The following UMAD1 variants were observed in gnomAD, a reference collection of about 807,000 sequenced individuals.
The protein encoded by UMAD1 is UBAP1-MVB12-associated (UMA)-domain containing protein 1.
A neutral mutation model predicts 6.1 loss-of-function variants in UMAD1; 8 were observed. The observed-to-expected ratio is 1.30, with a 90% CI of 0.76 to 2.35. The LOEUF is 2.35. Among genes scored for constraint, UMAD1 ranks in the 30% most tolerant of loss-of-function variants. The pLI, the probability that UMAD1 is intolerant of heterozygous loss-of-function variation, is 0.00. For synonymous variants in UMAD1, 56 were observed against 31.4 expected (o/e 1.78, Z -2.61); for missense variants, 130 against 78.4 (o/e 1.66, Z -2.49).
At chr7:7,809,507 T>C (rs1782983754) in intron 3 of UMAD1, among the ~76,000 whole-genome samples, 4 of 152,102 alleles carry the variant, frequency 2.6e-5, no homozygotes. Flanking sequence ...TAAATCAGGC[T>C]AATTAACAAA....
chr7:7,695,159 A>T (rs986189922), intron 2 of UMAD1, among the ~76,000 whole-genome samples: 2 of 152,174 alleles, frequency 1.3e-5, no homozygotes, highest in Non-Finnish European at 2.9e-5. Context: ...ACCTTTTCAT[A>T]TACCTGTTTG....
intron 2 of UMAD1, among the ~76,000 whole-genome samples, chr7:7,762,425 C>T (rs1781909267): frequency 6.6e-6 from 1 of 152,144 alleles, no homozygotes; most frequent in Non-Finnish European, 1.5e-5. Flanking sequence ...TACCACTAAC[C>T]CCACCCCATG....
intron 3 of UMAD1, among the ~76,000 whole-genome samples, chr7:7,827,143 A>ATGTGTGTGTG (rs1360833680): frequency 1.2e-4 from 16 of 135,140 alleles, no homozygotes; most frequent in African/African-American, 2.9e-4. Flanking sequence ...ATATATATAT[A>ATGTGTGTGTG]TATATGTGTG....
chr7:7,774,977 A>G (rs115359437), intron 2 of UMAD1, among the ~76,000 whole-genome samples: 2,302 of 152,162 alleles, frequency 0.015, 56 homozygotes, highest in African/African-American at 0.052. Flanking sequence ...TTCTTCATCA[A>G]TTATTTCATG....
intron 2 of UMAD1, among the ~76,000 whole-genome samples, chr7:7,754,465 T>A (rs1781737509): frequency 1.3e-5 from 2 of 152,202 alleles, no homozygotes; most frequent in South Asian, 4.1e-4. Flanking sequence ...TAGTTTTATT[T>A]CCTACAGAGT....
intron 3 of UMAD1, among the ~76,000 whole-genome samples, chr7:7,805,217 C>T (rs1308685543): frequency 1.3e-5 from 2 of 152,172 alleles, no homozygotes; most frequent in African/African-American, 4.8e-5. Context: ...AATTTCTACA[C>T]AGTTCAGCCT....
At chr7:7,796,067 C>A (rs1210408108) in intron 2 of UMAD1, among the ~76,000 whole-genome samples, 1 of 151,910 alleles carries the variant, frequency 6.6e-6, no homozygotes, top group African/African-American at 2.4e-5. Flanking sequence ...CCAAATGCAA[C>A]AACCAGTGGA....
intron 1 of UMAD1, among the ~76,000 whole-genome samples, chr7:7,659,623 G>C (rs191212449): frequency 3.9e-5 from 6 of 152,192 alleles, no homozygotes; most frequent in Middle Eastern, 3.2e-3. Flanking sequence ...TTTTGAGTGA[G>C]TTTCTTAATC....
intron 2 of UMAD1, among the ~76,000 whole-genome samples, chr7:7,683,733 C>T (rs1779969853): frequency 6.6e-6 from 1 of 152,010 alleles, no homozygotes; most frequent in Non-Finnish European, 1.5e-5. Context: ...AGTGATTCTC[C>T]TGCCTCAGCC....
At position 7,830,161 on chromosome 7, in the gene UMAD1, G is replaced by A. The variant is rs1172598976; in HGVS notation, c.156+28418G>A. Among the ~76,000 whole-genome samples, 1 of 152,216 alleles carries A rather than the reference G, an allele frequency of 6.6e-6. No homozygotes were observed. Among genetic ancestry groups the A allele is most frequent in the Non-Finnish European group, 1.5e-5 (1 of 68,046 alleles). Reference sequence around the variant, plus strand: ...TTAAGAGGCATTTGCCAGTGGACCTGCAGGTCTGGCCAAGCCCCTGCTAGG... The same window carrying A: ...TTAAGAGGCATTTGCCAGTGGACCTACAGGTCTGGCCAAGCCCCTGCTAGG... On this transcript the variant is annotated intron_variant, in intron 3 of 3. Transcript: ENST00000682710. This position sits in a 1 kb window ranked among gnomAD's most constrained non-coding sequence, Gnocchi z 5.3.
At chr7:7,838,667 G>A (rs527418332) in intron 3 of UMAD1, among the ~76,000 whole-genome samples, 16 of 152,224 alleles carry the variant, frequency 1.1e-4, no homozygotes, top group South Asian at 1.0e-3. Context: ...GCTATTCATG[G>A]TAGAAGAAGC....
intron 2 of UMAD1, among the ~76,000 whole-genome samples, chr7:7,728,047 G>C (rs1201138579): frequency 2.6e-5 from 4 of 151,822 alleles, no homozygotes; most frequent in African/African-American, 9.7e-5. Context: ...ATTTTCTTCT[G>C]TTGGCCCTAT....
At chr7:7,807,255 A>G (rs1264575886) in intron 3 of UMAD1, among the ~76,000 whole-genome samples, 1 of 152,150 alleles carries the variant, frequency 6.6e-6, no homozygotes, top group Non-Finnish European at 1.5e-5. Flanking sequence ...CATGCATTAG[A>G]TGAGCTTTAA....
At position 7,815,516 on chromosome 7, in the gene UMAD1, G is replaced by C. The variant is rs148610588; in HGVS notation, c.156+13773G>C. 3.9e-3 allele frequency among the ~76,000 whole-genome samples: 589 copies of C among 152,252 alleles called. 6 individuals carry two copies. Among genetic ancestry groups the C allele is most frequent in the African/African-American group, 0.014 (561 of 41,538 alleles). On this transcript the variant is annotated intron_variant, in intron 3 of 3. Transcript: ENST00000682710. ...TCATGTGACAAGAAGTCTCATAGAAGGTAGTTAAAGTATTGATTCAGGAGC... is the reference window on the plus strand; with the variant it reads ...TCATGTGACAAGAAGTCTCATAGAACGTAGTTAAAGTATTGATTCAGGAGC...
chr7:7,661,074 C>T (rs1418456677), intron 1 of UMAD1, among the ~76,000 whole-genome samples: 2 of 151,748 alleles, frequency 1.3e-5, no homozygotes, highest in African/African-American at 4.8e-5. Flanking sequence ...GATCTTTAAT[C>T]TCTGATATCC....
chr7:7,739,457 G>A (rs1226264321), intron 2 of UMAD1, among the ~76,000 whole-genome samples: 1 of 152,222 alleles, frequency 6.6e-6, no homozygotes, highest in African/African-American at 2.4e-5. Flanking sequence ...AGCTTAACAA[G>A]TGGTTTTTTG....
intron 1 of UMAD1, among the ~76,000 whole-genome samples, chr7:7,649,694 G>A (rs10263636): frequency 1.3e-5 from 2 of 151,162 alleles, no homozygotes; most frequent in Admixed American, 1.3e-4. Context: ...TGGTGGGGGG[G>A]CCCACCCTAC....
chr7:7,699,053 G>A (rs4524695), intron 2 of UMAD1, among the ~76,000 whole-genome samples: 4 of 150,806 alleles, frequency 2.7e-5, no homozygotes, highest in South Asian at 2.1e-4. Flanking sequence ...TGTGTGTGGG[G>A]GGGGGGTAGA....
chr7:7,692,153 A>G (rs941053114), intron 2 of UMAD1, among the ~76,000 whole-genome samples: 5 of 152,098 alleles, frequency 3.3e-5, no homozygotes, highest in Non-Finnish European at 7.4e-5. Context: ...TCGCACACAT[A>G]TCACCATCTT....
Sources: gnomAD v4.1 joint callset for allele counts (sites outside exome capture counted in the v4.1 genomes callset) on GRCh38, gnomAD v4.1.1 for gene constraint, Gnocchi (gnomAD v3.1) non-coding constraint, MANE v1.5 for transcripts, NCBI Gene and HGNC (gene_info 2026-07-23, HGNC 2026-07-21) for gene names.